Variants in KIAA1143 observed in about 807,000 individuals in gnomAD.
The protein encoded by KIAA1143 is KIAA1143.
In KIAA1143, 8 loss-of-function variants were observed where a neutral mutation model predicts 17.0. The observed-to-expected ratio is 0.47, with a 90% confidence interval of 0.28 to 0.85. The LOEUF is 0.85. KIAA1143 is among the 40% of genes least tolerant of loss of function. The pLI is 0.12. For synonymous variants in KIAA1143, 64 were observed against 67.8 expected (o/e 0.94, Z 0.27); for missense variants, 162 against 183.3 (o/e 0.88, Z 0.67).
intron 1 of KIAA1143, among the ~76,000 whole-genome samples, chr3:44,756,571 T>A (rs1243050361): frequency 6.6e-6 from 1 of 152,014 alleles, no homozygotes; most frequent in African/African-American, 2.4e-5. Context: ...TCAAAAAAAA[T>A]AAAAGTGAAT....
Position 44,752,532 on chromosome 3 carries a change from CA to C in KIAA1143, c.*808del, listed in dbSNP as rs1265233746. Reference sequence around the variant, plus strand: ...AATTAAGCACAGTGTTTATTCTTCTCACTACCAAGAAGTCAGAGGTCAGCAA... The same window carrying C: ...AATTAAGCACAGTGTTTATTCTTCTCCTACCAAGAAGTCAGAGGTCAGCAA... On this transcript the variant is annotated 3_prime_UTR_variant, in exon 3 of 3. Transcript: ENST00000296121. The C allele has an allele frequency of 2.6e-5, 4 of 152,140 alleles. No individual in the cohort carries two copies. The highest frequency in any genetic ancestry group is 9.7e-5 in the African/African-American group (4 of 41,416). The allele number at this position is 152,140 out of a possible 1,614,324, so 9.4% of individuals were successfully genotyped here.
intron 1 of KIAA1143, 120 bp downstream of exon 1, chr3:44,761,375 A>G (rs1287784171): frequency 2.9e-6 from 2 of 696,242 alleles, no homozygotes; most frequent in African/African-American, 1.8e-5. Context: ...TTCCACCGGA[A>G]TTGGGTTCGA....
chr3:44,753,615 G>A (rs1381967646), intron 2 of KIAA1143, 63 bp from the exon 3 acceptor site: 14 of 1,465,758 alleles, frequency 9.6e-6, no homozygotes, highest in African/African-American at 1.4e-5. Flanking sequence ...TACCTTAGAA[G>A]CAAATAATAA....
In KIAA1143 at chr3:44,750,143, T is replaced by G. The variant is rs1214938266; in HGVS notation, c.*3198A>C. On this transcript the variant is annotated 3_prime_UTR_variant, in exon 3 of 3. Transcript: ENST00000296121. ...GGGAAACAGAACAACAAAAAAAAAT[T>G]GATAAATTACATAACTTACAAATTA... 6.6e-6 allele frequency: 1 copy of G among 152,200 alleles called. No homozygotes were observed. The highest frequency in any genetic ancestry group is 1.5e-5 in the Non-Finnish European group (1 of 68,036). 9.4% of individuals were successfully genotyped at this position (152,200 alleles called of 1,614,324 possible). A position where few individuals can be genotyped will look rare whatever the true frequency, so the allele number is the denominator to read the frequency against.
intron 1 of KIAA1143, among the ~76,000 whole-genome samples, chr3:44,758,553 T>C (rs1705010670): frequency 6.6e-6 from 1 of 152,234 alleles, no homozygotes; most frequent in Admixed American, 6.5e-5. Flanking sequence ...GTTCAATTTT[T>C]ATGAGACTGC....
intron 1 of KIAA1143, among the ~76,000 whole-genome samples, chr3:44,758,237 T>C (rs1705004995): frequency 1.3e-5 from 2 of 152,186 alleles, no homozygotes; most frequent in African/African-American, 2.4e-5. Context: ...AGGGTGGTGG[T>C]TGCTGAAAGG....
intron 1 of KIAA1143, among the ~76,000 whole-genome samples, chr3:44,760,777 C>G (rs34339835): frequency 1.3e-5 from 2 of 150,874 alleles, no homozygotes; most frequent in African/African-American, 2.4e-5. Context: ...CGTCCACCTC[C>G]CGGGTTCGAG....
chr3:44,753,495 G>T lies in KIAA1143; in HGVS notation c.311C>A (p.Pro104His). The change falls in exon 3 of 3, where the codon CCC (proline) becomes CAC (histidine). Residue 104 changes from proline to histidine, a missense_variant. Pro to His is a moderately conservative substitution (Grantham distance 77). This residue lies in a region of KIAA1143 where 137 missense variants were observed against 132.5 expected (regional missense o/e 1.03). Transcript: ENST00000296121. Reference protein sequence around the residue: ...RIIYRKPVKHPSDEKYSGLTA... With the variant: ...RIIYRKPVKHHSDEKYSGLTA... The stretch of plus-strand genomic sequence containing the variant: ...TAAACCTGAATATTTTTCATCTGAG[G>T]GATGCTTGACTGGTTTTCGATATAT... 6.2e-7 allele frequency: 1 copy of T among 1,611,978 alleles called. No individual in the cohort carries two copies. Among genetic ancestry groups the T allele is most frequent in the Middle Eastern group, 1.7e-4 (1 of 6,048 alleles).
chr3:44,750,400 T>G lies in KIAA1143; in HGVS notation c.*2941A>C, dbSNP rs1036306534. 1 of 151,706 alleles carries G rather than the reference T, an allele frequency of 6.6e-6. No individual in the cohort carries two copies. The highest frequency in any genetic ancestry group is 1.9e-4 in the East Asian group (1 of 5,140). 9.4% of individuals were successfully genotyped at this position (151,706 alleles called of 1,614,324 possible). A position where few individuals can be genotyped will look rare whatever the true frequency, so the allele number is the denominator to read the frequency against. On this transcript the variant is annotated 3_prime_UTR_variant, in exon 3 of 3. Coordinates refer to ENST00000296121, the MANE Select transcript of KIAA1143 (RefSeq NM_020696.4). ...TTGTTGTTAATATGTGTTCCAGGATTGTATGAGAGTTCTAAAATTCTGATA... is the reference window on the plus strand; with the variant it reads ...TTGTTGTTAATATGTGTTCCAGGATGGTATGAGAGTTCTAAAATTCTGATA...
rs946423521 is a variant in KIAA1143, at chr3:44,748,831, T to G, written c.*4510A>C. On this transcript the variant is annotated 3_prime_UTR_variant, in exon 3 of 3. Coordinates refer to ENST00000296121, the MANE Select transcript of KIAA1143 (RefSeq NM_020696.4). ...ACAGTGGTGAATAACACAAACTCCA[T>G]GCTTTCAAGATTCCCACACCCAGAT... 6 of 152,220 alleles carry G rather than the reference T, an allele frequency of 3.9e-5. No homozygotes were observed. Among genetic ancestry groups the G allele is most frequent in the Non-Finnish European group, 7.3e-5 (5 of 68,032 alleles). 9.4% of individuals were successfully genotyped at this position (152,220 alleles called of 1,614,324 possible).
rs1257072175 is a variant in KIAA1143, at chr3:44,751,726, C to A, written c.*1615G>T. 7.2e-5 allele frequency: 11 copies of A among 152,280 alleles called. No individual in the cohort carries two copies. Among genetic ancestry groups the A allele is most frequent in the Admixed American group, 5.2e-4 (8 of 15,294 alleles). The allele number at this position is 152,280 out of a possible 1,614,324, so 9.4% of individuals were successfully genotyped here. On this transcript the variant is annotated 3_prime_UTR_variant, in exon 3 of 3. Coordinates refer to ENST00000296121, the MANE Select transcript of KIAA1143 (RefSeq NM_020696.4). ...GGTTTTTGGACCATATCTGTTAAATCTTTTAACCAAATCCATTTCCTTTTG... is the reference window on the plus strand; with the variant it reads ...GGTTTTTGGACCATATCTGTTAAATATTTTAACCAAATCCATTTCCTTTTG...
rs1704937259 is a variant in KIAA1143 at position 44,754,444 on chromosome 3, GTAAT to G, written c.109-80_109-77del. The G allele has an allele frequency of 2.2e-6, 3 of 1,336,556 alleles. No individual in the cohort carries two copies. In the South Asian group the frequency reaches 4.0e-5, roughly 18 times the overall value. The allele number at this position is 1,336,556 out of a possible 1,614,324, so 82.8% of individuals were successfully genotyped here. The stretch of plus-strand genomic sequence containing the variant: ...AGAACCACTGCCTCTAAGAGAAACT[GTAAT>G]TATTTATGAGAAGGGTATCTTTATT... On this transcript the variant is annotated intron_variant, in intron 1 of 2. Coordinates refer to ENST00000296121, the MANE Select transcript of KIAA1143 (RefSeq NM_020696.4).
chr3:44,756,100 G>C (rs1704965524), intron 1 of KIAA1143, among the ~76,000 whole-genome samples: 1 of 152,230 alleles, frequency 6.6e-6, no homozygotes, highest in Non-Finnish European at 1.5e-5. Context: ...ATGGGAAAGT[G>C]AAATAAAATC....
At chr3:44,755,632 C>T (rs1469643017) in intron 1 of KIAA1143, among the ~76,000 whole-genome samples, 2 of 152,200 alleles carry the variant, frequency 1.3e-5, no homozygotes, top group Non-Finnish European at 2.9e-5. Flanking sequence ...GCCCCACAGC[C>T]CCTGAGCAAC....
At chr3:44,759,330 G>T (rs924584094) in intron 1 of KIAA1143, among the ~76,000 whole-genome samples, 1 of 152,034 alleles carries the variant, frequency 6.6e-6, no homozygotes, top group Non-Finnish European at 1.5e-5. Flanking sequence ...ATAATATATT[G>T]AAAGAATCTT....
intron 1 of KIAA1143, among the ~76,000 whole-genome samples, chr3:44,758,834 T>C (rs1050696085): frequency 1.3e-5 from 2 of 152,042 alleles, no homozygotes; most frequent in African/African-American, 4.8e-5. Context: ...TCACTATCCA[T>C]GGCAGCTGTA....
chr3:44,755,783 C>T (rs1246885469), intron 1 of KIAA1143, among the ~76,000 whole-genome samples: 1 of 152,228 alleles, frequency 6.6e-6, no homozygotes, highest in Non-Finnish European at 1.5e-5. Flanking sequence ...CTGGTTTCCA[C>T]TGGGCAAGTG....
At chr3:44,756,819 T>C (rs897693214) in intron 1 of KIAA1143, among the ~76,000 whole-genome samples, 4 of 152,212 alleles carry the variant, frequency 2.6e-5, no homozygotes, top group Non-Finnish European at 4.4e-5. Flanking sequence ...TATATTGTTA[T>C]GATTGTTCTA....
rs1465145480 is a variant in KIAA1143 at position 44,749,087 on chromosome 3, T to G, written c.*4254A>C. ...ATCACCTTTCAGTGTTCTTTATAGG[T>G]ACTTAAAACTTAAAAAAAGGCCCAG... On this transcript the variant is annotated 3_prime_UTR_variant, in exon 3 of 3. Transcript: ENST00000296121. 1 of 152,086 alleles carries G rather than the reference T, an allele frequency of 6.6e-6. No homozygotes were observed. The highest frequency in any genetic ancestry group is 1.5e-5 in the Non-Finnish European group (1 of 68,048). The allele number at this position is 152,086 out of a possible 1,614,324, so 9.4% of individuals were successfully genotyped here.
Sources: gnomAD v4.1 joint callset for allele counts (sites outside exome capture counted in the v4.1 genomes callset) on GRCh38, gnomAD v4.1.1 for gene constraint, gnomAD v4.1.1 regional missense constraint, MANE v1.5 for transcripts, NCBI Gene and HGNC (gene_info 2026-07-23, HGNC 2026-07-21) for gene names.